MCC: variants seen among roughly 807,000 people sequenced by gnomAD.
MCC encodes the protein colorectal mutant cancer protein.
Under a neutral mutation model 116.2 loss-of-function variants are expected in MCC, and 90 were observed. The observed-to-expected ratio is 0.77, with a 90% CI of 0.65 to 0.92. The LOEUF (loss-of-function observed/expected upper bound fraction) is 0.92. MCC is among the 40% of genes least tolerant of loss of function. MCC has a pLI of 0.00. For missense variants in MCC, 1,516 were observed against 1,312.2 expected (o/e 1.16, Z -2.40); for synonymous variants, 578 against 510.5 (o/e 1.13, Z -1.78).
Position 113,488,361 on chromosome 5 carries a change from G to GCCA in MCC, c.53_54insTGG (p.Gly21dup), listed in dbSNP as rs2150439481. ...TGCTGCTGCTGCCGCTGCCGCCGCC[G>GCCA]CCGCCGCCGCTGCTGGAGCTCCCCG... On this transcript the variant is annotated inframe_insertion, in exon 1 of 19. Coordinates refer to ENST00000408903, the MANE Select transcript of MCC (RefSeq NM_001085377.2). 6.6e-7 allele frequency: 1 copy of GCCA among 1,519,380 alleles called. No individual in the cohort carries two copies. The allele number at this position is 1,519,380 out of a possible 1,614,324, so 94.1% of individuals were successfully genotyped here. A position where few individuals can be genotyped will look rare whatever the true frequency, so the allele number is the denominator to read the frequency against.
chr5:113,258,399 G>A (rs933068974), intron 3 of MCC, among the ~76,000 whole-genome samples: 1 of 152,212 alleles, frequency 6.6e-6, no homozygotes, highest in Non-Finnish European at 1.5e-5. Context: ...TGGCCTGTTA[G>A]GAACCAGAGC....
chr5:113,044,943 T>C (rs1490654337), intron 16 of MCC, among the ~76,000 whole-genome samples: 1 of 152,186 alleles, frequency 6.6e-6, no homozygotes, highest in Non-Finnish European at 1.5e-5. Context: ...TCCAGGCATG[T>C]GGTCTCCCGA....
intron 3 of MCC, among the ~76,000 whole-genome samples, chr5:113,254,090 T>C (rs926776731): frequency 6.6e-6 from 1 of 152,142 alleles, no homozygotes; most frequent in African/African-American, 2.4e-5. Context: ...ATCTTGATAA[T>C]GAGAAAACAG....
At chr5:113,121,782 C>A (rs1757749958) in intron 6 of MCC, among the ~76,000 whole-genome samples, 1 of 152,164 alleles carries the variant, frequency 6.6e-6, no homozygotes. Flanking sequence ...CCTGGTTCTT[C>A]TTCCATCTCT....
intron 3 of MCC, among the ~76,000 whole-genome samples, chr5:113,333,348 A>C (rs1341876055): frequency 1.3e-5 from 2 of 151,716 alleles, no homozygotes; most frequent in Non-Finnish European, 2.9e-5. Flanking sequence ...ACACAGTTTT[A>C]ATTCGATTTT....
chr5:113,189,094 T>C (rs1238016816), intron 3 of MCC, among the ~76,000 whole-genome samples: 2 of 152,160 alleles, frequency 1.3e-5, no homozygotes, highest in Non-Finnish European at 2.9e-5. Context: ...AAGGAGCACC[T>C]GAACAGAACC....
chr5:113,068,695 G>T, intron 12 of MCC, among the ~76,000 whole-genome samples: 1 of 152,228 alleles, frequency 6.6e-6, no homozygotes, highest in East Asian at 1.9e-4. Flanking sequence ...CAGGCCAGCT[G>T]TCGTGTCTTC....
intron 7 of MCC, among the ~76,000 whole-genome samples, chr5:113,103,541 G>A (rs1164600662): frequency 1.3e-5 from 2 of 152,216 alleles, no homozygotes; most frequent in African/African-American, 2.4e-5. Flanking sequence ...AACATGCATC[G>A]TGGTTTACCT....
intron 1 of MCC, among the ~76,000 whole-genome samples, chr5:113,455,798 T>C (rs1019157980): frequency 6.6e-6 from 1 of 152,236 alleles, no homozygotes; most frequent in African/African-American, 2.4e-5. Flanking sequence ...CAAGTTTTAT[T>C]ACCTACTGAG....
At chr5:113,226,235 G>GA (rs1246044285) in intron 3 of MCC, among the ~76,000 whole-genome samples, 1 of 152,146 alleles carries the variant, frequency 6.6e-6, no homozygotes, top group African/African-American at 2.4e-5. Flanking sequence ...TTCTGGAGAG[G>GA]AAAAAAAGTT....
At chr5:113,061,135 C>T (rs1010699421) in intron 14 of MCC, among the ~76,000 whole-genome samples, 2 of 152,198 alleles carry the variant, frequency 1.3e-5, no homozygotes, top group African/African-American at 4.8e-5. Flanking sequence ...GGATTACACC[C>T]CAGAGTGAGT....
intron 5 of MCC, among the ~76,000 whole-genome samples, chr5:113,138,292 T>A (rs1382854708): frequency 6.6e-6 from 1 of 152,210 alleles, no homozygotes; most frequent in Admixed American, 6.5e-5. Flanking sequence ...ATTATAGGCA[T>A]GAGCCACCAC....
At chr5:113,264,935 G>A (rs1765365758) in intron 3 of MCC, among the ~76,000 whole-genome samples, 1 of 152,126 alleles carries the variant, frequency 6.6e-6, no homozygotes, top group Non-Finnish European at 1.5e-5. Flanking sequence ...CCAGCTACTT[G>A]GGAGGCTGCG....
intron 3 of MCC, among the ~76,000 whole-genome samples, chr5:113,193,126 T>C (rs1561445402): frequency 6.6e-6 from 1 of 152,170 alleles, no homozygotes. Context: ...CAGCACAGAA[T>C]CTTCCAGTCT....
At chr5:113,432,829 C>T (rs2150411642) in intron 1 of MCC, 1 of 152,224 alleles carries the variant, frequency 6.6e-6, no homozygotes, top group African/African-American at 2.4e-5. Context: ...AAATTAGCTA[C>T]AAAATCAATT....
chr5:113,140,472 G>T (rs1759111895), intron 5 of MCC, among the ~76,000 whole-genome samples: 1 of 152,182 alleles, frequency 6.6e-6, no homozygotes, highest in Admixed American at 6.5e-5. Context: ...ACGTGGCCAT[G>T]AATTCAACTC....
chr5:113,064,289 C>T, intron 13 of MCC, 122 bp from the exon 14 acceptor site: 3 of 843,662 alleles, frequency 3.6e-6, no homozygotes, highest in East Asian at 2.6e-5. Flanking sequence ...AGGGAATTGG[C>T]AGTGCCCAGC....
intron 3 of MCC, among the ~76,000 whole-genome samples, chr5:113,241,468 TC>T (rs1214774590): frequency 1.3e-5 from 2 of 152,192 alleles, no homozygotes; most frequent in Non-Finnish European, 2.9e-5. Flanking sequence ...CCAGAGAGGC[TC>T]AGGTTTGGAG....
At chr5:113,465,091 C>G (rs771565321) in intron 1 of MCC, among the ~76,000 whole-genome samples, 1 of 150,156 alleles carries the variant, frequency 6.7e-6, no homozygotes, top group Non-Finnish European at 1.5e-5. Context: ...TGAAAATAGC[C>G]AAGATTTTTT....
Sources: gnomAD v4.1 joint callset for allele counts (sites outside exome capture counted in the v4.1 genomes callset) on GRCh38, gnomAD v4.1.1 for gene constraint, MANE v1.5 for transcripts, NCBI Gene and HGNC (gene_info 2026-07-23, HGNC 2026-07-21) for gene names.